Variants in MRPS27 observed in about 807,000 individuals in gnomAD.
The protein encoded by MRPS27 is mitochondrial ribosomal protein S27.
In MRPS27, 43 loss-of-function variants were observed where a neutral mutation model predicts 48.9. The observed-to-expected ratio is 0.88, with a 90% confidence interval of 0.69 to 1.13. MRPS27 has a LOEUF of 1.13. MRPS27 is among the 50% of genes most tolerant of loss of function. The probability of loss-of-function intolerance (pLI) is 0.00; values close to 1 mark genes in which losing one functional copy is unlikely to be tolerated. For missense variants in MRPS27, 467 were observed against 476.3 expected (o/e 0.98, Z 0.18); for synonymous variants, 188 against 171.9 (o/e 1.09, Z -0.73).
At chr5:72,285,509 T>C (rs1311187756) in intron 4 of MRPS27, among the ~76,000 whole-genome samples, 1 of 152,198 alleles carries the variant, frequency 6.6e-6, no homozygotes, top group Non-Finnish European at 1.5e-5. Flanking sequence ...CTAATAATCT[T>C]TTTTTGGGAG....
chr5:72,319,275 TTCAGATA>T (rs1750669127), intron 1 of MRPS27, among the ~76,000 whole-genome samples: 1 of 152,216 alleles, frequency 6.6e-6, no homozygotes, highest in Middle Eastern at 3.2e-3. Flanking sequence ...TGCCATTTAG[TTCAGATA>T]TCAAAGTATT....
intron 4 of MRPS27, among the ~76,000 whole-genome samples, chr5:72,258,048 C>T (rs1748858539): frequency 7.0e-6 from 1 of 142,752 alleles, no homozygotes; most frequent in East Asian, 2.0e-4. Context: ...AGGGCCACTG[C>T]ACTCCAGCCT....
At chr5:72,318,925 C>A (rs1380418273) in intron 1 of MRPS27, among the ~76,000 whole-genome samples, 1 of 152,134 alleles carries the variant, frequency 6.6e-6, no homozygotes, top group Non-Finnish European at 1.5e-5. Flanking sequence ...AGGTGTCAAG[C>A]GTTGTGCATA....
At chr5:72,253,885 T>G (rs1472208697) in intron 4 of MRPS27, among the ~76,000 whole-genome samples, 1 of 152,146 alleles carries the variant, frequency 6.6e-6, no homozygotes, top group Non-Finnish European at 1.5e-5. Flanking sequence ...CTTGGGAAAT[T>G]CTCTTGTAAG....
chr5:72,303,882 C>CAAAA (rs397818748), intron 2 of MRPS27, among the ~76,000 whole-genome samples: 389 of 68,882 alleles, frequency 5.6e-3, no homozygotes, highest in Middle Eastern at 9.3e-3. Flanking sequence ...GACCTCATCT[C>CAAAA]AAAAAAAAAA....
At position 72,269,631 on chromosome 5, in the gene MRPS27, A is replaced by C. The variant is rs76401758; in HGVS notation, c.281+25900T>G. Among the ~76,000 whole-genome samples the C allele has an allele frequency of 3.7e-3, 567 of 152,376 alleles. 1 individual carries two copies. Among genetic ancestry groups the C allele is most frequent in the African/African-American group, 0.013 (551 of 41,594 alleles). ...ATTAGTAAAATAAAGATAGCATATT[A>C]TATCATCAGGCAAAGGATGGATTAT... On this transcript the variant is annotated intron_variant, in intron 4 of 10. Coordinates refer to ENST00000261413, the MANE Select transcript of MRPS27 (RefSeq NM_015084.3).
Position 72,293,661 on chromosome 5 carries a change from A to G in MRPS27, c.281+1870T>C, listed in dbSNP as rs147757033. On this transcript the variant is annotated intron_variant, in intron 4 of 10. Transcript: ENST00000261413. ...CCAGCACCCAGGAAAGGGCCTGCGC[A>G]CATAATAGGTGCTCGGTAAATACTT... Among the ~76,000 whole-genome samples, 351 of 152,324 alleles carry G rather than the reference A, an allele frequency of 2.3e-3. 1 individual carries two copies. The highest frequency in any genetic ancestry group is 8.1e-3 in the African/African-American group (336 of 41,564).
At position 72,232,789 on chromosome 5, in the gene MRPS27, T is replaced by C. The variant is rs561001192; in HGVS notation, c.476-231A>G. Among the ~76,000 whole-genome samples the C allele has an allele frequency of 2.4e-3, 362 of 152,304 alleles. 5 individuals are homozygous for C. The highest frequency in any genetic ancestry group is 8.4e-3 in the African/African-American group (348 of 41,574). ...CAGAACGAACTAAATCAGGTGCTAC[T>C]GCACCAACGTCCTGAAGGACATTAA... On this transcript the variant is annotated intron_variant, in intron 6 of 10. Transcript: ENST00000261413.
chr5:72,268,976 A>G (rs1446299442), intron 4 of MRPS27, among the ~76,000 whole-genome samples: 1 of 152,220 alleles, frequency 6.6e-6, no homozygotes, highest in Non-Finnish European at 1.5e-5. Context: ...TTACTGAATG[A>G]TGTAAACTAG....
intron 7 of MRPS27, chr5:72,229,467 T>C (rs912900105): frequency 3.9e-5 from 6 of 151,942 alleles, no homozygotes; most frequent in Admixed American, 2.6e-4. Context: ...GAGCTGGTAA[T>C]TAAAAACCAG....
chr5:72,288,694 G>A (rs1749740623), intron 4 of MRPS27: 1 of 152,212 alleles, frequency 6.6e-6, no homozygotes, highest in Non-Finnish European at 1.5e-5. Flanking sequence ...TTAAAGTATA[G>A]AAGTGCTACT....
rs555756919 is a variant in MRPS27 at position 72,256,054 on chromosome 5, G to C, written c.282-17926C>G. On this transcript the variant is annotated intron_variant, in intron 4 of 10. Coordinates refer to ENST00000261413, the MANE Select transcript of MRPS27 (RefSeq NM_015084.3). Reference sequence around the variant, plus strand: ...CATACTGAATGAAAGCCATTGTCTTGTTTCTCTCCTGATCCTGGAATGAAG... The same window carrying C: ...CATACTGAATGAAAGCCATTGTCTTCTTTCTCTCCTGATCCTGGAATGAAG... 2.6e-5 allele frequency among the ~76,000 whole-genome samples: 4 copies of C among 152,290 alleles called. No homozygotes were observed. In the South Asian group the frequency reaches 6.2e-4, roughly 24 times the overall value.
chr5:72,259,305 C>T (rs1460801703), intron 4 of MRPS27, among the ~76,000 whole-genome samples: 1 of 151,928 alleles, frequency 6.6e-6, no homozygotes, highest in Non-Finnish European at 1.5e-5. Flanking sequence ...CCTGTCTCTA[C>T]TAAAAATACA....
At chr5:72,299,086 A>C (rs1166456145) in intron 2 of MRPS27, among the ~76,000 whole-genome samples, 1 of 152,130 alleles carries the variant, frequency 6.6e-6, no homozygotes, top group East Asian at 1.9e-4. Context: ...CACGGACATA[A>C]ATATGGGAAC....
chr5:72,294,080 C>T (rs1179793896), intron 4 of MRPS27, among the ~76,000 whole-genome samples: 1 of 151,928 alleles, frequency 6.6e-6, no homozygotes, highest in Non-Finnish European at 1.5e-5. Context: ...ATTGTTAAAG[C>T]CAATCTGAGA....
chr5:72,303,732 A>G (rs1195707664), intron 2 of MRPS27, among the ~76,000 whole-genome samples: 1 of 151,992 alleles, frequency 6.6e-6, no homozygotes, highest in East Asian at 1.9e-4. Context: ...AAAATTGCAT[A>G]TCTAGCAAGA....
intron 4 of MRPS27, among the ~76,000 whole-genome samples, chr5:72,259,777 C>T (rs1384465580): frequency 6.6e-6 from 1 of 152,066 alleles, no homozygotes; most frequent in African/African-American, 2.4e-5. Flanking sequence ...ATAAATTTCT[C>T]CTTAGAATAA....
chr5:72,298,675 C>T (rs1209504009), intron 2 of MRPS27, among the ~76,000 whole-genome samples: 2 of 141,864 alleles, frequency 1.4e-5, no homozygotes, highest in Non-Finnish European at 3.0e-5. Flanking sequence ...CACTGCAGTC[C>T]GCAGTCCGGC....
At chr5:72,288,352 C>T (rs1398773597) in intron 4 of MRPS27, among the ~76,000 whole-genome samples, 1 of 152,092 alleles carries the variant, frequency 6.6e-6, no homozygotes, top group Non-Finnish European at 1.5e-5. Context: ...GGTCTACAGG[C>T]GCCCACCACC....
Sources: gnomAD v4.1 joint callset for allele counts (sites outside exome capture counted in the v4.1 genomes callset) on GRCh38, gnomAD v4.1.1 for gene constraint, MANE v1.5 for transcripts, NCBI Gene and HGNC (gene_info 2026-07-23, HGNC 2026-07-21) for gene names.